Variants in DCHS2 observed in about 807,000 individuals in gnomAD.
DCHS2 encodes the protein protocadherin-23.
In DCHS2, 142 loss-of-function variants were observed where a neutral mutation model predicts 182.4. The observed-to-expected ratio is 0.78, with a 90% confidence interval of 0.68 to 0.89. The LOEUF (loss-of-function observed/expected upper bound fraction) is 0.89. Ranked by LOEUF, DCHS2 falls within the 40% of genes least tolerant of loss-of-function variation. The probability of loss-of-function intolerance (pLI) is 0.00; values close to 1 mark genes in which losing one functional copy is unlikely to be tolerated. For synonymous variants in DCHS2, 1,740 were observed against 1,663.3 expected, an observed-to-expected ratio of 1.05 and a Z score of -1.12; for missense variants, 4,319 against 4,198.6, an observed-to-expected ratio of 1.03 and a Z score of -0.79.
At position 154,300,089 on chromosome 4, in the gene DCHS2, G is replaced by A. The variant is rs533144646; in HGVS notation, c.5606-1381C>T. ...GTGTTCTATGCAGAGGAAAGAGCCC[G>A]TGGGAAGTTCTAGGAATATAAGAAT... On this transcript the variant is annotated intron_variant, in intron 12 of 19. Coordinates refer to ENST00000357232, the MANE Select transcript of DCHS2 (RefSeq NM_001358235.2). 3.9e-5 allele frequency among the ~76,000 whole-genome samples: 6 copies of A among 152,278 alleles called. No individual in the cohort carries two copies. In the South Asian group the frequency reaches 6.2e-4, roughly 16 times the overall value.
chr4:154,249,800 C>A (rs191884958), intron 16 of DCHS2, among the ~76,000 whole-genome samples: 5 of 151,846 alleles, frequency 3.3e-5, no homozygotes, highest in Admixed American at 1.3e-4. Flanking sequence ...AAACAAAAAA[C>A]CAAAATAGCT....
Position 154,384,298 on chromosome 4 carries a change from T to C in DCHS2, c.2053-6854A>G, listed in dbSNP as rs1731301723. 7 of 1,567,054 alleles carry C rather than the reference T, an allele frequency of 4.5e-6. No individual in the cohort carries two copies. The South Asian group carries it at 8.3e-5, about 19-fold the overall frequency. ...GTTCACACAGCTAGTCATTGCCTCC[T>C]TATTGAAACATCCTTCATCAGACAC... On this transcript the variant is annotated intron_variant, in intron 1 of 19. Coordinates refer to ENST00000357232, the MANE Select transcript of DCHS2 (RefSeq NM_001358235.2).
chr4:154,298,944 A>T (rs1735087808), intron 12 of DCHS2: 2 of 414,834 alleles, frequency 4.8e-6, no homozygotes, highest in Non-Finnish European at 7.9e-6. Flanking sequence ...GCCTATCTTT[A>T]ATCAGTCAAT....
At chr4:154,361,739 A>T (rs1176551864) in intron 3 of DCHS2, among the ~76,000 whole-genome samples, 2 of 152,118 alleles carry the variant, frequency 1.3e-5, no homozygotes, top group Non-Finnish European at 2.9e-5. Flanking sequence ...CAACCATGAC[A>T]TCGCCACACC....
chr4:154,316,878 A>T (rs1396408824), intron 9 of DCHS2, among the ~76,000 whole-genome samples: 1 of 152,186 alleles, frequency 6.6e-6, no homozygotes, highest in East Asian at 1.9e-4. Flanking sequence ...AAGCATATAA[A>T]CCACATAAGT....
chr4:154,353,659 C>T (rs1038586266), intron 3 of DCHS2, among the ~76,000 whole-genome samples: 1 of 152,182 alleles, frequency 6.6e-6, no homozygotes, highest in Non-Finnish European at 1.5e-5. Context: ...ATCCCTTGGA[C>T]TTTTCCAGTG....
chr4:154,461,455 T>C (rs1735005243), intron 1 of DCHS2, among the ~76,000 whole-genome samples: 1 of 152,230 alleles, frequency 6.6e-6, no homozygotes, highest in Non-Finnish European at 1.5e-5. Context: ...GTGGGAAATT[T>C]ATATTTATCT....
intron 3 of DCHS2, among the ~76,000 whole-genome samples, chr4:154,337,945 T>C (rs530521672): frequency 6.6e-6 from 1 of 152,238 alleles, no homozygotes; most frequent in African/African-American, 2.4e-5. Context: ...TTCACCATGT[T>C]GGCCAGCCTG....
At chr4:154,480,513 T>A (rs1735878760) in intron 1 of DCHS2, among the ~76,000 whole-genome samples, 1 of 152,204 alleles carries the variant, frequency 6.6e-6, no homozygotes, top group Non-Finnish European at 1.5e-5. Context: ...CTACTACAGG[T>A]CTTCCCTGCC....
Position 154,332,460 on chromosome 4 carries a change from G to T in DCHS2, c.3730+18C>A. On this transcript the variant is annotated intron_variant, in intron 5 of 19. Coordinates refer to ENST00000357232, the MANE Select transcript of DCHS2 (RefSeq NM_001358235.2). Reference sequence around the variant, plus strand: ...AACCCTCATTTTAAAGGAATAGGTGGAAACTATGAAGTGCTACCTGTATTA... The same window carrying T: ...AACCCTCATTTTAAAGGAATAGGTGTAAACTATGAAGTGCTACCTGTATTA... 1 of 1,582,078 alleles carries T rather than the reference G, an allele frequency of 6.3e-7. No individual in the cohort carries two copies.
rs1198011730 is a variant in DCHS2 at position 154,321,127 on chromosome 4, C to G, written c.4272G>C (p.Leu1424Phe). 6.2e-7 allele frequency: 1 copy of G among 1,600,794 alleles called. No individual in the cohort carries two copies. Among genetic ancestry groups the G allele is most frequent in the African/African-American group, 1.3e-5 (1 of 74,488 alleles). The change falls in exon 9 of 20, where the codon TTG becomes TTC. Residue 1424 changes from leucine (L) to phenylalanine (F), a missense_variant. Transcript: ENST00000357232. ...GTTGAAGGTGATCAGATGACTTTAT[C>G]AAGCTCATTATTTTTGTGGGCTTCA... ...ENLKPTKIMS[L>F]IKSSDHLQQH...
intron 16 of DCHS2, among the ~76,000 whole-genome samples, chr4:154,254,768 C>G (rs192147336): frequency 1.3e-5 from 2 of 152,060 alleles, no homozygotes; most frequent in Non-Finnish European, 2.9e-5. Flanking sequence ...ATCCAGGAGA[C>G]AGAAGCTGCA....
At chr4:154,357,326 T>C in intron 3 of DCHS2, 1 of 1,600,490 alleles carries the variant, frequency 6.2e-7, no homozygotes, top group Non-Finnish European at 8.6e-7. Context: ...TATAGAGTCC[T>C]AATTAGGGAA....
At chr4:154,428,978 T>TG (rs1553951460) in intron 1 of DCHS2, among the ~76,000 whole-genome samples, 1 of 148,820 alleles carries the variant, frequency 6.7e-6, no homozygotes, top group Non-Finnish European at 1.5e-5. Context: ...GGGGTAAGTT[T>TG]AAAAAAAAAA....
At chr4:154,356,115 C>A (rs139825975) in intron 3 of DCHS2, among the ~76,000 whole-genome samples, 3 of 151,998 alleles carry the variant, frequency 2.0e-5, no homozygotes, top group Admixed American at 6.6e-5. Context: ...GACCTTCCAG[C>A]GGACAAGATG....
At chr4:154,385,152 C>A (rs1208402944) in intron 1 of DCHS2, among the ~76,000 whole-genome samples, 1 of 147,670 alleles carries the variant, frequency 6.8e-6, no homozygotes, top group African/African-American at 2.5e-5. Context: ...CAATTCCCAC[C>A]TATGAGTGAG....
At chr4:154,252,603 A>G (rs1381381780) in intron 16 of DCHS2, among the ~76,000 whole-genome samples, 1 of 151,874 alleles carries the variant, frequency 6.6e-6, no homozygotes, top group Non-Finnish European at 1.5e-5. Flanking sequence ...ATTTCACTTA[A>G]CATAATGACT....
intron 13 of DCHS2, among the ~76,000 whole-genome samples, chr4:154,274,240 A>G (rs1733729881): frequency 6.6e-6 from 1 of 152,142 alleles, no homozygotes; most frequent in Admixed American, 6.6e-5. Flanking sequence ...AAATCTCTCA[A>G]TTTCTAAGTG....
At chr4:154,348,758 G>C (rs1009742302) in intron 3 of DCHS2, among the ~76,000 whole-genome samples, 6 of 151,980 alleles carry the variant, frequency 3.9e-5, no homozygotes, top group Middle Eastern at 3.4e-3. Context: ...TAATCCTGTT[G>C]ACACCTTGAT....
Sources: allele counts gnomAD v4.1 joint callset (sites outside exome capture counted in the v4.1 genomes callset), GRCh38; gene constraint gnomAD v4.1.1; transcripts MANE v1.5; gene names NCBI Gene and HGNC (gene_info 2026-07-23, HGNC 2026-07-21).